KMT2C: variants seen among roughly 807,000 people sequenced by gnomAD.
The protein encoded by KMT2C is histone-lysine N-methyltransferase 2C.
A neutral mutation model predicts 507.9 loss-of-function variants in KMT2C; 88 were observed. The ratio of observed to expected loss-of-function variants is 0.17; its 90% CI spans 0.15 to 0.21. The LOEUF (loss-of-function observed/expected upper bound fraction) is 0.21, where lower values mean the gene tolerates loss of function less well. Ranked by LOEUF, KMT2C falls within the 10% of genes least tolerant of loss-of-function variation. The pLI is 1.00. For missense variants in KMT2C, 4,954 were observed against 5,957.8 expected, an observed-to-expected ratio of 0.83 and a Z score of 5.55; for synonymous variants, 2,049 against 2,080.8, an observed-to-expected ratio of 0.98 and a Z score of 0.42.
At chr7:152,270,521 G>A (rs997444631) in intron 7 of KMT2C, among the ~76,000 whole-genome samples, 2 of 152,144 alleles carry the variant, frequency 1.3e-5, no homozygotes, top group African/African-American at 4.8e-5. Flanking sequence ...TCGCCTTGAT[G>A]ATGTCTCTAC....
chr7:152,187,522 C>T (rs3800834), intron 32 of KMT2C, 46 bp from the exon 33 acceptor site: 67,909 of 1,520,676 alleles, frequency 0.045, 5,409 homozygotes, highest in African/African-American at 0.32. Flanking sequence ...AAAATAACTT[C>T]TTAATATATG....
intron 1 of KMT2C, among the ~76,000 whole-genome samples, chr7:152,380,245 A>G (rs1589595423): frequency 1.4e-5 from 2 of 146,728 alleles, no homozygotes; most frequent in African/African-American, 5.1e-5. Flanking sequence ...ATCTCCAAAA[A>G]AAAAAACAAA....
intron 2 of KMT2C, among the ~76,000 whole-genome samples, chr7:152,350,750 C>T (rs2097104107): frequency 6.6e-6 from 1 of 152,144 alleles, no homozygotes. Flanking sequence ...TACACTTAGG[C>T]TACACCAAAT....
chr7:152,430,354 CCAAAA>C (rs767001937), intron 1 of KMT2C, among the ~76,000 whole-genome samples: 16 of 151,778 alleles, frequency 1.1e-4, no homozygotes, highest in Non-Finnish European at 2.1e-4. Context: ...TAAAAATGGA[CCAAAA>C]CAATATAGAA....
In KMT2C at chr7:152,366,792, C is replaced by T. The variant is rs1407748511; in HGVS notation, c.162-8117G>A. The T allele has an allele frequency of 3.3e-5, 7 of 212,840 alleles. No individual in the cohort carries two copies. The East Asian group carries it at 5.0e-4, about 15-fold the overall frequency. The allele number at this position is 212,840 out of a possible 1,614,324, so 13.2% of individuals were successfully genotyped here. ...ACCAGCCGCTGAGCTGCAGCCCTTC[C>T]GTGTCCGCAGGCTTCGGCCCGGCCG... On this transcript the variant is annotated intron_variant, in intron 1 of 58. Coordinates refer to ENST00000262189, the MANE Select transcript of KMT2C (RefSeq NM_170606.3).
intron 20 of KMT2C, among the ~76,000 whole-genome samples, chr7:152,223,568 CGGTCAAAAGAT>C (rs754117563): frequency 1.4e-4 from 21 of 151,880 alleles, no homozygotes; most frequent in African/African-American, 3.1e-4. Context: ...CTGAGGCGGG[CGGTCAAAAGAT>C]GGTCAAAAGA....
rs200514422 is a variant in KMT2C at position 152,179,790 on chromosome 7, C to T, written c.7442+44G>A. ...CCACCACACCCAGCTCTGTTTCCCT[C>T]TTCTAATAGCAATTTAAATTCGGCA... On this transcript the variant is annotated intron_variant, in intron 37 of 58. Coordinates refer to ENST00000262189, the MANE Select transcript of KMT2C (RefSeq NM_170606.3). 9.8e-5 allele frequency: 155 copies of T among 1,574,224 alleles called. 2 individuals carry two copies. The East Asian group carries it at 3.4e-3, about 34-fold the overall frequency.
At chr7:152,281,847 G>A (rs138382292) in intron 6 of KMT2C, among the ~76,000 whole-genome samples, 2,898 of 152,154 alleles carry the variant, frequency 0.019, 34 homozygotes, top group Non-Finnish European at 0.029. Flanking sequence ...AAATATCCTT[G>A]TTCAAGCCCA....
At position 152,195,997 on chromosome 7, in the gene KMT2C, G is replaced by C; in HGVS notation, c.4288C>G (p.Pro1430Ala). 1 of 1,591,396 alleles carries C rather than the reference G, an allele frequency of 6.3e-7. No individual in the cohort carries two copies. The highest frequency in any genetic ancestry group is 2.2e-5 in the East Asian group (1 of 44,460). The change falls in exon 28 of 59, where the codon CCA becomes GCA. Residue 1430 changes from proline (P) to alanine (A), a missense_variant. By Grantham distance (27) the Pro-to-Ala change is conservative. This residue lies in a region of KMT2C where 140 missense variants were observed against 118.4 expected (regional missense o/e 1.18). Transcript: ENST00000262189. The part of the protein sequence containing the change: ...KSGTHGPADD[P>A]LADISEVLNT... ...AAAACTTCAGAAATATCAGCTAATG[G>C]GTCATCAGCAGGACCTAAATATAGT...
chr7:152,400,384 T>C (rs2116603364), intron 1 of KMT2C, among the ~76,000 whole-genome samples: 1 of 152,346 alleles, frequency 6.6e-6, no homozygotes, highest in East Asian at 1.9e-4. Flanking sequence ...TAAAGTATTT[T>C]GCTTATTGTA....
At chr7:152,314,190 T>C (rs2096701268) in intron 4 of KMT2C, among the ~76,000 whole-genome samples, 1 of 152,130 alleles carries the variant, frequency 6.6e-6, no homozygotes, top group Admixed American at 6.6e-5. Context: ...CATTTCCTAC[T>C]TCAGGTCTTC....
chr7:152,354,254 A>G lies in KMT2C; in HGVS notation c.250+4333T>C, dbSNP rs537613964. On this transcript the variant is annotated intron_variant, in intron 2 of 58. Transcript: ENST00000262189. Reference sequence around the variant, plus strand: ...CCATTCGTGGGGCTTACTACTCTCCAGTAAGGAAAAAAAAATGCCAGGAAT... The same window carrying G: ...CCATTCGTGGGGCTTACTACTCTCCGGTAAGGAAAAAAAAATGCCAGGAAT... Among the ~76,000 whole-genome samples the G allele has an allele frequency of 1.9e-4, 29 of 152,298 alleles. No individual in the cohort carries two copies. The South Asian group carries it at 6.0e-3, about 32-fold the overall frequency.
At chr7:152,330,182 A>G (rs1447377207) in intron 3 of KMT2C, among the ~76,000 whole-genome samples, 25 of 134,130 alleles carry the variant, frequency 1.9e-4, no homozygotes, top group African/African-American at 5.8e-4. Context: ...GGGGGGGGAG[A>G]AAAAGAAAGA....
At chr7:152,190,264 CA>C (rs1013211548) in intron 31 of KMT2C, among the ~76,000 whole-genome samples, 1 of 152,136 alleles carries the variant, frequency 6.6e-6, no homozygotes, top group Non-Finnish European at 1.5e-5. Context: ...TTAGGAGAAA[CA>C]AGAGTTTATT....
chr7:152,315,319 A>T lies in KMT2C; in HGVS notation c.409T>A (p.Cys137Ser), dbSNP rs201498872. The T allele has an allele frequency of 6.2e-7, 1 of 1,613,716 alleles. No individual in the cohort carries two copies. The highest frequency in any genetic ancestry group is 1.3e-5 in the African/African-American group (1 of 75,048). Residue 137 changes from cysteine (C) to serine (S), a missense_variant, in exon 4 of 59, where the codon TGT (cysteine) becomes AGT (serine). Physicochemically the swap from Cys to Ser is moderately radical, Grantham distance 112. Around this residue, in one of 29 missense-constraint regions of KMT2C, gnomAD observed 233 missense variants for 263.6 expected, o/e 0.88. Coordinates refer to ENST00000262189, the MANE Select transcript of KMT2C (RefSeq NM_170606.3). ...AAGGAACTTTTTTCCCCACAGTAAC[A>T]AAAAGCGCAGAGCTGTTCACTAGTA... ...AKISEQLCAF[C>S]YCGEKSSLGQ...
chr7:152,263,787 C>T (rs1057483707), intron 8 of KMT2C, among the ~76,000 whole-genome samples: 3 of 152,184 alleles, frequency 2.0e-5, no homozygotes, highest in Non-Finnish European at 4.4e-5. Context: ...TCTCTAAACA[C>T]TCTTCTGCCC....
At chr7:152,182,720 G>T (rs2129121248) in intron 35 of KMT2C, 126 bp from the exon 36 acceptor site, 1 of 876,354 alleles carries the variant, frequency 1.1e-6, no homozygotes, top group Non-Finnish European at 1.7e-6. Flanking sequence ...TCCCATATTA[G>T]ATTATGAATT....
chr7:152,304,674 A>G (rs1423500071), intron 6 of KMT2C, among the ~76,000 whole-genome samples: 3 of 152,146 alleles, frequency 2.0e-5, no homozygotes, highest in African/African-American at 7.2e-5. Flanking sequence ...GAATATACTC[A>G]GCTACATAAT....
At chr7:152,149,220 G>GAC (rs1294561471) in intron 51 of KMT2C, 68 bp from the exon 52 acceptor site, 2 of 1,397,366 alleles carry the variant, frequency 1.4e-6, no homozygotes, top group Admixed American at 5.4e-5. Flanking sequence ...TTCTTGTTAA[G>GAC]ACAAGAAGCT....
Sources: allele counts gnomAD v4.1 joint callset (sites outside exome capture counted in the v4.1 genomes callset), GRCh38; gene constraint gnomAD v4.1.1; regional missense constraint gnomAD v4.1.1; transcripts MANE v1.5; gene names NCBI Gene and HGNC (gene_info 2026-07-23, HGNC 2026-07-21).